The following NCOA1 variants were observed in gnomAD, a reference collection of about 807,000 sequenced individuals.
The protein encoded by NCOA1 is Hin-2 protein.
Under a neutral mutation model 150.9 loss-of-function variants are expected in NCOA1, and 35 were observed. The ratio of observed to expected loss-of-function variants is 0.23; its 90% CI spans 0.18 to 0.31. NCOA1 has a LOEUF of 0.31. Among genes scored for constraint, NCOA1 ranks in the 10% least tolerant of loss-of-function variants. The pLI is 1.00. For missense variants in NCOA1, 1,491 were observed against 1,749.3 expected, an observed-to-expected ratio of 0.85 and a Z score of 2.63; for synonymous variants, 590 against 630.0, an observed-to-expected ratio of 0.94 and a Z score of 0.95.
Position 24,742,008 on chromosome 2 carries a change from T to C in NCOA1, c.3528T>C (p.Asn1176=), listed in dbSNP as rs1314011913. The change falls in exon 19 of 23, where the codon AAT becomes AAC. Residue 1176 remains asparagine (N), a synonymous_variant. Coordinates refer to ENST00000348332, the MANE Select transcript of NCOA1 (RefSeq NM_003743.5). ...CCTATCCACCAAACTATGGTACAAATCCAGGAACCCCACCTGCTTCTACCA... is the reference window on the plus strand; with the variant it reads ...CCTATCCACCAAACTATGGTACAAACCCAGGAACCCCACCTGCTTCTACCA... ...QFPYPPNYGT[N]PGTPPASTSP... 10 of 1,613,990 alleles carry C rather than the reference T, an allele frequency of 6.2e-6. No individual in the cohort carries two copies. Among genetic ancestry groups the C allele is most frequent in the Non-Finnish European group, 7.6e-6 (9 of 1,180,036 alleles).
intron 1 of NCOA1, among the ~76,000 whole-genome samples, chr2:24,546,443 G>T (rs1665609022): frequency 6.6e-6 from 1 of 152,116 alleles, no homozygotes; most frequent in Non-Finnish European, 1.5e-5. Context: ...TGAATGATGT[G>T]CATTTTCTAA....
At chr2:24,701,605 CA>C (rs2148582828) in intron 11 of NCOA1, among the ~76,000 whole-genome samples, 1 of 151,728 alleles carries the variant, frequency 6.6e-6, no homozygotes, top group African/African-American at 2.4e-5. Flanking sequence ...AGAAAATTAA[CA>C]AAATTTTAAC....
At chr2:24,766,318 C>T (rs1665062397) in intron 22 of NCOA1, among the ~76,000 whole-genome samples, 2 of 152,186 alleles carry the variant, frequency 1.3e-5, no homozygotes, top group African/African-American at 4.8e-5. Context: ...TGCTCTGCCC[C>T]AATATTTCAT....
At chr2:24,570,120 T>C (rs1483288740) in intron 2 of NCOA1, among the ~76,000 whole-genome samples, 1 of 151,102 alleles carries the variant, frequency 6.6e-6, no homozygotes. Flanking sequence ...AGTCTTGCTA[T>C]ATAATTTCTG....
intron 1 of NCOA1, among the ~76,000 whole-genome samples, chr2:24,495,262 A>G (rs1663154981): frequency 6.6e-6 from 1 of 152,136 alleles, no homozygotes; most frequent in Non-Finnish European, 1.5e-5. Flanking sequence ...CCAATTCCAT[A>G]AGTTTAAGTA....
intron 21 of NCOA1, among the ~76,000 whole-genome samples, chr2:24,759,751 A>G (rs562936709): frequency 1.2e-4 from 19 of 152,234 alleles, no homozygotes; most frequent in Admixed American, 3.3e-4. Flanking sequence ...TATCACCTCT[A>G]TATCACATGA....
At position 24,741,906 on chromosome 2, in the gene NCOA1, C is replaced by T; in HGVS notation, c.3426C>T (p.Asn1142=). The stretch of plus-strand genomic sequence containing the variant: ...TTATGAGGCAGCAAAGCTTTGGGAA[C>T]AACCTCCCTCCCTCATCTGGACTAC... The part of the protein sequence containing the change: ...AMLMRQQSFG[N]NLPPSSGLPV... Residue 1142 remains asparagine (N), a synonymous_variant, in exon 19 of 23, where the codon AAC becomes AAT. Transcript: ENST00000348332. 6.2e-7 allele frequency: 1 copy of T among 1,614,242 alleles called. No individual in the cohort carries two copies.
intron 2 of NCOA1, among the ~76,000 whole-genome samples, chr2:24,579,840 G>A (rs780252752): frequency 2.6e-4 from 39 of 152,178 alleles, no homozygotes; most frequent in Non-Finnish European, 1.3e-4. Flanking sequence ...CAAGCTTCAA[G>A]TTAGCTTGAT....
intron 4 of NCOA1, among the ~76,000 whole-genome samples, chr2:24,647,053 C>T (rs1670509322): frequency 1.3e-5 from 2 of 152,018 alleles, no homozygotes; most frequent in Non-Finnish European, 1.5e-5. Flanking sequence ...ACTTTATTTT[C>T]ATGTGATGTT....
intron 1 of NCOA1, among the ~76,000 whole-genome samples, chr2:24,516,972 A>T (rs938612693): frequency 1.9e-5 from 1 of 52,720 alleles, no homozygotes; most frequent in African/African-American, 4.6e-5. Flanking sequence ...ATACGTATAT[A>T]TACACATATA....
chr2:24,637,421 G>A lies in NCOA1; in HGVS notation c.-174-6545G>A, dbSNP rs190867907. On this transcript the variant is annotated intron_variant, in intron 3 of 22. Coordinates refer to ENST00000348332, the MANE Select transcript of NCOA1 (RefSeq NM_003743.5). ...GTTTATTGTGGCACTATTCACAATA[G>A]CAAAGACTTGGAACCAACCCAAATG... Among the ~76,000 whole-genome samples, 191 of 151,714 alleles carry A rather than the reference G, an allele frequency of 1.3e-3. 1 individual carries two copies. The highest frequency in any genetic ancestry group is 4.4e-3 in the African/African-American group (181 of 41,326).
At chr2:24,751,868 C>A in intron 19 of NCOA1, 114 bp from the exon 20 acceptor site, 1 of 1,041,286 alleles carries the variant, frequency 9.6e-7, no homozygotes. Context: ...CAAGACAAGG[C>A]AAATAAGAAA....
chr2:24,588,281 G>A (rs1463291229), intron 3 of NCOA1, among the ~76,000 whole-genome samples: 2 of 152,128 alleles, frequency 1.3e-5, no homozygotes, highest in Non-Finnish European at 2.9e-5. Flanking sequence ...TGGAGTCTCT[G>A]TATGTTGCCT....
At chr2:24,517,000 G>GCACA (rs1207637499) in intron 1 of NCOA1, among the ~76,000 whole-genome samples, 1 of 24,272 alleles carries the variant, frequency 4.1e-5, no homozygotes, top group Non-Finnish European at 1.3e-4. Flanking sequence ...ATATACACAC[G>GCACA]CGCGCACACA....
At chr2:24,632,691 T>C (rs547561538) in intron 3 of NCOA1, among the ~76,000 whole-genome samples, 2 of 152,264 alleles carry the variant, frequency 1.3e-5, no homozygotes, top group East Asian at 3.9e-4. Flanking sequence ...GAGAAAAACC[T>C]AAAGACAAAA....
At chr2:24,733,339 A>C (rs945108624) in intron 17 of NCOA1, among the ~76,000 whole-genome samples, 9 of 152,194 alleles carry the variant, frequency 5.9e-5, no homozygotes, top group Admixed American at 5.9e-4. Flanking sequence ...TAGACAAAAA[A>C]AAGAACACCA....
At chr2:24,660,455 G>T (rs187268214) in intron 5 of NCOA1, among the ~76,000 whole-genome samples, 1 of 151,734 alleles carries the variant, frequency 6.6e-6, no homozygotes, top group East Asian at 1.9e-4. Flanking sequence ...TAATAATTAT[G>T]TGTGTATTTT....
chr2:24,703,882 C>T (rs903348247), intron 11 of NCOA1, among the ~76,000 whole-genome samples: 5 of 152,118 alleles, frequency 3.3e-5, no homozygotes, highest in Non-Finnish European at 7.4e-5. Context: ...CATTTTATCA[C>T]AGGCTAAATT....
At chr2:24,577,928 T>C (rs1667056044) in intron 2 of NCOA1, among the ~76,000 whole-genome samples, 1 of 152,188 alleles carries the variant, frequency 6.6e-6, no homozygotes, top group South Asian at 2.1e-4. Flanking sequence ...AAGTTAAAAT[T>C]CAACCTTATC....
Sources: gnomAD v4.1 joint callset for allele counts (sites outside exome capture counted in the v4.1 genomes callset) on GRCh38, gnomAD v4.1.1 for gene constraint, MANE v1.5 for transcripts, NCBI Gene and HGNC (gene_info 2026-07-23, HGNC 2026-07-21) for gene names.